Variants in ZNF292 observed in about 807,000 individuals in gnomAD.
ZNF292 encodes the protein 16 zinc-finger domain protein.
ZNF292 carries 26 observed loss-of-function variants against 217.9 expected under a neutral mutation model. That is an observed-to-expected ratio of 0.12 (90% CI 0.09 to 0.17). The LOEUF (loss-of-function observed/expected upper bound fraction) is 0.17, where lower values mean the gene tolerates loss of function less well. Among genes scored for constraint, ZNF292 ranks in the 10% least tolerant of loss-of-function variants. The pLI, the probability that ZNF292 is intolerant of heterozygous loss-of-function variation, is 1.00. For synonymous variants in ZNF292, 1,257 were observed against 1,124.1 expected, an observed-to-expected ratio of 1.12 and a Z score of -2.37; for missense variants, 2,904 against 3,175.2, an observed-to-expected ratio of 0.91 and a Z score of 2.05.
In ZNF292 at chr6:87,254,645, C is replaced by T. The variant is rs1775109445; in HGVS notation, c.1021-5C>T. Reference sequence around the variant, plus strand: ...AATTAACATTTCCTATTTGCTTTTTCACAGACTGAAGGGGCTGGACTTGCT... The same window carrying T: ...AATTAACATTTCCTATTTGCTTTTTTACAGACTGAAGGGGCTGGACTTGCT... On this transcript the variant is annotated splice_polypyrimidine_tract_variant and splice_region_variant and intron_variant, in intron 7 of 7. Coordinates refer to ENST00000369577, the MANE Select transcript of ZNF292 (RefSeq NM_015021.3). 1.9e-6 allele frequency: 3 copies of T among 1,575,520 alleles called. No homozygotes were observed. Among genetic ancestry groups the T allele is most frequent in the Middle Eastern group, 3.4e-4 (2 of 5,850 alleles).
intron 1 of ZNF292, among the ~76,000 whole-genome samples, chr6:87,159,116 TC>T (rs1770636011): frequency 6.6e-6 from 1 of 152,228 alleles, no homozygotes; most frequent in African/African-American, 2.4e-5. Context: ...TTGCTTATGA[TC>T]CGTAGTTTAT....
intron 1 of ZNF292, among the ~76,000 whole-genome samples, chr6:87,203,133 CTTTT>C (rs67229216): frequency 8.6e-6 from 1 of 116,240 alleles, no homozygotes; most frequent in Non-Finnish European, 1.7e-5. Flanking sequence ...ATATATTTTC[CTTTT>C]TTTTTTTTTT....
Position 87,260,250 on chromosome 6 carries a change from G to A in ZNF292, c.6621G>A (p.Met2207Ile), listed in dbSNP as rs758742964. Residue 2207 changes from methionine to isoleucine, a missense_variant, in exon 8 of 8, where the codon ATG becomes ATA. Physicochemically the swap from Met to Ile is conservative, Grantham distance 10 (BLOSUM62 1). Coordinates refer to ENST00000369577, the MANE Select transcript of ZNF292 (RefSeq NM_015021.3). ...HEMTPEEIES[M>I]TASVDVGKFP... ...TGACTCCTGAAGAAATTGAAAGTAT[G>A]ACTGCTTCAGTGGATGTTGGGAAGT... The A allele has an allele frequency of 6.2e-7, 1 of 1,613,572 alleles. No individual in the cohort carries two copies.
chr6:87,203,901 G>A (rs117318896), intron 1 of ZNF292, among the ~76,000 whole-genome samples: 2,761 of 152,196 alleles, frequency 0.018, 35 homozygotes, highest in Middle Eastern at 0.034. Flanking sequence ...CTAGAGAGCC[G>A]CCTAGTTCCA....
chr6:87,259,088 C>T lies in ZNF292; in HGVS notation c.5459C>T (p.Pro1820Leu). 1 of 1,612,906 alleles carries T rather than the reference C, an allele frequency of 6.2e-7. No individual in the cohort carries two copies. Among genetic ancestry groups the T allele is most frequent in the Non-Finnish European group, 8.5e-7 (1 of 1,179,526 alleles). The change falls in exon 8 of 8, where the codon CCA becomes CTA. Residue 1820 changes from proline to leucine, a missense_variant. Transcript: ENST00000369577. ...TTTTCCTCCTTTATAAGTGTCATGCCAACAAAAAGTAACATTCCTCAGTCT... is the reference window on the plus strand; with the variant it reads ...TTTTCCTCCTTTATAAGTGTCATGCTAACAAAAAGTAACATTCCTCAGTCT... ...SPFSSFISVMPTKSNIPQSEV... is the reference protein window; with the variant it reads ...SPFSSFISVMLTKSNIPQSEV...
rs921347793 is a variant in ZNF292 at position 87,157,554 on chromosome 6, A to G, written c.168+1795A>G. 4.4e-4 allele frequency among the ~76,000 whole-genome samples: 67 copies of G among 152,304 alleles called. 1 individual carries two copies. The highest frequency in any genetic ancestry group is 1.6e-3 in the African/African-American group (66 of 41,562). ...TGATAGTTTTAAGGCTAATTACTGT[A>G]AATTCTTTTTTTGTCAGCAGTATTT... is the stretch of plus-strand genomic sequence containing the variant. On this transcript the variant is annotated intron_variant, in intron 1 of 7. Transcript: ENST00000369577.
Position 87,233,412 on chromosome 6 carries a change from C to T in ZNF292, c.626C>T (p.Thr209Ile), listed in dbSNP as rs372606820. ...AAAACAAATCAGTTAAGTCAAGCAA[C>T]TGCTCTAGCAAAGCTGTGTTCTGAC... ...LIKTNQLSQA[T>I]ALAKLCSDHP... The change falls in exon 5 of 8, where the codon ACT (threonine) becomes ATT (isoleucine). Residue 209 changes from threonine to isoleucine, a missense_variant. Thr to Ile is a moderately conservative substitution (Grantham distance 89, BLOSUM62 -1). This residue lies in a region of ZNF292 where 313 missense variants were observed against 451.0 expected (regional missense o/e 0.69). Coordinates refer to ENST00000369577, the MANE Select transcript of ZNF292 (RefSeq NM_015021.3). The T allele has an allele frequency of 5.0e-6, 8 of 1,613,542 alleles. No individual in the cohort carries two copies. The highest frequency in any genetic ancestry group is 6.8e-6 in the Non-Finnish European group (8 of 1,179,638).
intron 1 of ZNF292, among the ~76,000 whole-genome samples, chr6:87,192,005 T>C (rs1375336887): frequency 6.6e-6 from 1 of 152,226 alleles, no homozygotes; most frequent in Non-Finnish European, 1.5e-5. Context: ...TTTGAGAATT[T>C]GTTTCTCATA....
intron 1 of ZNF292, among the ~76,000 whole-genome samples, chr6:87,196,542 A>G (rs1259018995): frequency 6.6e-6 from 1 of 152,250 alleles, no homozygotes; most frequent in Non-Finnish European, 1.5e-5. Context: ...GGGAAAAGTT[A>G]TGTGATTGCT....
chr6:87,236,753 C>T (rs1562162952), intron 5 of ZNF292, among the ~76,000 whole-genome samples: 2 of 152,124 alleles, frequency 1.3e-5, no homozygotes, highest in South Asian at 2.1e-4. Context: ...TACTTAAAAT[C>T]GCATACACAC....
At chr6:87,235,901 T>C (rs1236177234) in intron 5 of ZNF292, among the ~76,000 whole-genome samples, 2 of 152,200 alleles carry the variant, frequency 1.3e-5, no homozygotes, top group Non-Finnish European at 2.9e-5. Context: ...TACACTTACA[T>C]AGCACTACAC....
In ZNF292 at chr6:87,183,909, A is replaced by G. The variant is rs183503032; in HGVS notation, c.168+28150A>G. On this transcript the variant is annotated intron_variant, in intron 1 of 7. Coordinates refer to ENST00000369577, the MANE Select transcript of ZNF292 (RefSeq NM_015021.3). The stretch of plus-strand genomic sequence containing the variant: ...TTGATGAGGTCAGCCAAAAACTGTA[A>G]TGATTCACCACCACATATGCAGTTG... Among the ~76,000 whole-genome samples, 7 of 152,352 alleles carry G rather than the reference A, an allele frequency of 4.6e-5. No individual in the cohort carries two copies. In the East Asian group the frequency reaches 1.3e-3, roughly 29 times the overall value.
chr6:87,161,762 A>G (rs1244976640), intron 1 of ZNF292, among the ~76,000 whole-genome samples: 1 of 152,188 alleles, frequency 6.6e-6, no homozygotes, highest in Non-Finnish European at 1.5e-5. Flanking sequence ...TAAATTGAAA[A>G]TGTACTAATT....
chr6:87,239,593 G>A (rs1219410924), intron 5 of ZNF292, among the ~76,000 whole-genome samples: 9 of 149,738 alleles, frequency 6.0e-5, no homozygotes, highest in African/African-American at 2.2e-4. Flanking sequence ...CTTCCCAGAC[G>A]GGGCGGCTGC....
intron 1 of ZNF292, among the ~76,000 whole-genome samples, chr6:87,209,777 A>G (rs1045718510): frequency 6.6e-6 from 1 of 152,244 alleles, no homozygotes; most frequent in Non-Finnish European, 1.5e-5. Context: ...GTTTATAAGT[A>G]AGTAAAAGTC....
At chr6:87,169,763 C>T in intron 1 of ZNF292, 1 of 423,352 alleles carries the variant, frequency 2.4e-6, no homozygotes, top group South Asian at 1.7e-5. Flanking sequence ...CCTCCCACCT[C>T]AGCCTCTTGG....
In ZNF292 at chr6:87,253,539, A is replaced by G. The variant is rs1192316185; in HGVS notation, c.1021-1111A>G. Among the ~76,000 whole-genome samples the G allele has an allele frequency of 3.9e-5, 6 of 151,978 alleles. No individual in the cohort carries two copies. In the East Asian group the frequency reaches 1.2e-3, roughly 29 times the overall value. ...GCCACCGCACCCAGCCTAACCTATC[A>G]TTTTAAAAATACGTCTCTTCATACT... is the stretch of plus-strand genomic sequence containing the variant. On this transcript the variant is annotated intron_variant, in intron 7 of 7. Transcript: ENST00000369577.
intron 1 of ZNF292, among the ~76,000 whole-genome samples, chr6:87,204,980 A>G (rs1342456397): frequency 1.3e-5 from 2 of 152,100 alleles, no homozygotes; most frequent in African/African-American, 4.8e-5. Flanking sequence ...CAAACAATGA[A>G]TTAGTGAATT....
intron 1 of ZNF292, among the ~76,000 whole-genome samples, chr6:87,207,350 G>A (rs1344254565): frequency 1.3e-5 from 2 of 152,104 alleles, no homozygotes; most frequent in African/African-American, 4.8e-5. Flanking sequence ...AATTTTGATA[G>A]GTTGTGTTTT....
Sources: gnomAD v4.1 joint callset for allele counts (sites outside exome capture counted in the v4.1 genomes callset) on GRCh38, gnomAD v4.1.1 for gene constraint, gnomAD v4.1.1 regional missense constraint, MANE v1.5 for transcripts, NCBI Gene and HGNC (gene_info 2026-07-23, HGNC 2026-07-21) for gene names.